Variants in CSK observed in about 807,000 individuals in gnomAD.
CSK encodes the protein C-terminal Src kinase.
A neutral mutation model predicts 62.3 loss-of-function variants in CSK; 7 were observed. The observed-to-expected ratio is 0.11, with a 90% CI of 0.06 to 0.21. The LOEUF is 0.21. Among genes scored for constraint, CSK ranks in the 10% least tolerant of loss-of-function variants. The probability of loss-of-function intolerance (pLI) is 1.00; values close to 1 mark genes in which losing one functional copy is unlikely to be tolerated. For synonymous variants in CSK, 237 were observed against 246.0 expected (o/e 0.96, Z 0.34); for missense variants, 294 against 613.5 (o/e 0.48, Z 5.50).
chr15:74,800,387 G>A, intron 5 of CSK, 25 bp from the exon 6 acceptor site: 3 of 1,608,146 alleles, frequency 1.9e-6, no homozygotes, highest in Non-Finnish European at 2.6e-6. Flanking sequence ...CTGTCTCTGA[G>A]CACCCTGCCC....
rs1330899619 is a variant in CSK, at chr15:74,800,818, C to G, written c.623-5C>G. ...TTGGGAACAAGACCACCTCTCTGCCCCCAGACGTGATGCTGGGCGATTACC... is the reference window on the plus strand; with the variant it reads ...TTGGGAACAAGACCACCTCTCTGCCGCCAGACGTGATGCTGGGCGATTACC... On this transcript the variant is annotated splice_region_variant and splice_polypyrimidine_tract_variant and intron_variant, in intron 7 of 12. Transcript: ENST00000220003. 1 of 1,610,532 alleles carries G rather than the reference C, an allele frequency of 6.2e-7. No homozygotes were observed. Among genetic ancestry groups the G allele is most frequent in the Non-Finnish European group, 8.5e-7 (1 of 1,178,576 alleles).
At chr15:74,787,626 A>AT (rs2063543975) in intron 1 of CSK, among the ~76,000 whole-genome samples, 1 of 152,062 alleles carries the variant, frequency 6.6e-6, no homozygotes, top group Non-Finnish European at 1.5e-5. Context: ...TCAGCTTCTC[A>AT]TCACACACTA....
intron 1 of CSK, chr15:74,788,888 G>C (rs1456314706): frequency 1.3e-5 from 2 of 152,814 alleles, no homozygotes; most frequent in Non-Finnish European, 2.9e-5. Context: ...CTAAGGGGGT[G>C]GGGGAGCAGA....
At chr15:74,797,616 T>C (rs1372519897) in intron 1 of CSK, among the ~76,000 whole-genome samples, 1 of 152,220 alleles carries the variant, frequency 6.6e-6, no homozygotes, top group African/African-American at 2.4e-5. Flanking sequence ...CTGCTGTACG[T>C]AGTCCCTTTT....
chr15:74,791,907 G>A (rs147479378), intron 1 of CSK, among the ~76,000 whole-genome samples: 4 of 152,300 alleles, frequency 2.6e-5, no homozygotes, highest in African/African-American at 9.6e-5. Flanking sequence ...GGGGTTGTCC[G>A]CACGTCTCCC....
At chr15:74,792,187 A>G (rs993027032) in intron 1 of CSK, among the ~76,000 whole-genome samples, 2 of 152,128 alleles carry the variant, frequency 1.3e-5, no homozygotes, top group East Asian at 3.9e-4. Flanking sequence ...CTGTCTCCCC[A>G]TCATCTCCTG....
Position 74,786,213 on chromosome 15 carries a change from G to T in CSK, c.-66+3493G>T, listed in dbSNP as rs1460516544. Among the ~76,000 whole-genome samples the T allele has an allele frequency of 2.6e-5, 4 of 151,816 alleles. No homozygotes were observed. In the East Asian group the frequency reaches 7.7e-4, roughly 29 times the overall value. Reference sequence around the variant, plus strand: ...ATTTTGTATTTTTAGTAGCGATGGGGTTTCTCCGTGTTGGTCAGGCTGGTC... The same window carrying T: ...ATTTTGTATTTTTAGTAGCGATGGGTTTTCTCCGTGTTGGTCAGGCTGGTC... On this transcript the variant is annotated intron_variant, in intron 1 of 12. Transcript: ENST00000220003.
intron 5 of CSK, 32 bp from the exon 6 acceptor site, chr15:74,800,380 T>C (rs748906074): frequency 3.7e-6 from 6 of 1,601,510 alleles, no homozygotes; most frequent in Non-Finnish European, 5.1e-6. Context: ...CCTTGGGCTG[T>C]CTCTGAGCAC....
In CSK at chr15:74,798,946, C is replaced by CCACG. The variant is rs775729597; in HGVS notation, c.242+9_242+12dup. On this transcript the variant is annotated intron_variant, in intron 4 of 12. Coordinates refer to ENST00000220003, the MANE Select transcript of CSK (RefSeq NM_004383.3). The surrounding 1 kb of genome is among the most constrained non-coding windows in gnomAD (Gnocchi z 6.6). ...CAAACTCAGCCTCATGCCGTGAGTA[C>CCACG]CACGAGGAGGGGTTGGGGAGGGAAG... 2.0e-6 allele frequency: 3 copies of CCACG among 1,510,590 alleles called. No homozygotes were observed. The highest frequency in any genetic ancestry group is 2.3e-5 in the East Asian group (1 of 43,762). 93.6% of individuals were successfully genotyped at this position (1,510,590 alleles called of 1,614,324 possible). A position where few individuals can be genotyped will look rare whatever the true frequency, so the allele number is the denominator to read the frequency against.
At chr15:74,794,807 C>T (rs921273454) in intron 1 of CSK, among the ~76,000 whole-genome samples, 1 of 152,080 alleles carries the variant, frequency 6.6e-6, no homozygotes, top group Non-Finnish European at 1.5e-5. Flanking sequence ...TCTCCCTGGC[C>T]GTCTCCTCCC....
Position 74,798,221 on chromosome 15 carries a change from T to C in CSK, c.-65-12T>C. On this transcript the variant is annotated splice_polypyrimidine_tract_variant and intron_variant, in intron 1 of 12. Coordinates refer to ENST00000220003, the MANE Select transcript of CSK (RefSeq NM_004383.3). The surrounding 1 kb of genome is among the most constrained non-coding windows in gnomAD (Gnocchi z 6.6). ...TCACACCCCTCCTCAGTCTTCATGC[T>C]CTTCCCCACAGCTCTAATGGTACCA... The C allele has an allele frequency of 6.7e-7, 1 of 1,491,720 alleles. No individual in the cohort carries two copies. 92.4% of individuals were successfully genotyped at this position (1,491,720 alleles called of 1,614,324 possible). A position where few individuals can be genotyped will look rare whatever the true frequency, so the allele number is the denominator to read the frequency against.
At chr15:74,789,736 CT>C in intron 1 of CSK, among the ~76,000 whole-genome samples, 1 of 152,370 alleles carries the variant, frequency 6.6e-6, no homozygotes, top group South Asian at 2.1e-4. Flanking sequence ...CTCTCAGTCA[CT>C]TTCCCCTAAA....
At chr15:74,800,337 TG>T in intron 5 of CSK, 74 bp from the exon 6 acceptor site, 2 of 1,360,518 alleles carry the variant, frequency 1.5e-6, no homozygotes, top group Non-Finnish European at 2.1e-6. Flanking sequence ...TGCCGCCCTC[TG>T]GTGGTCAGGC....
chr15:74,800,683 G>A lies in CSK; in HGVS notation c.559G>A (p.Gly187Ser). The change falls in exon 7 of 13, where the codon GGC (glycine) becomes AGC (serine). Residue 187 changes from glycine (G) to serine (S), a missense_variant and splice_region_variant. This residue lies in a region of CSK where 202 missense variants were observed against 415.7 expected (regional missense o/e 0.49). Coordinates refer to ENST00000220003, the MANE Select transcript of CSK (RefSeq NM_004383.3). ...VAAQDEFYRS[G>S]WALNMKELKL... The stretch of plus-strand genomic sequence containing the variant: ...CCCTCACTGGCCCCTCCCCACAGGC[G>A]GCTGGGCCCTGAACATGAAGGAGCT... The A allele has an allele frequency of 1.9e-6, 3 of 1,549,476 alleles. No individual in the cohort carries two copies. The highest frequency in any genetic ancestry group is 2.6e-6 in the Non-Finnish European group (3 of 1,145,172).
intron 1 of CSK, among the ~76,000 whole-genome samples, chr15:74,788,946 G>T (rs374485992): frequency 1.3e-5 from 2 of 152,212 alleles, no homozygotes; most frequent in African/African-American, 2.4e-5. Context: ...ATTGCCCAGC[G>T]CACATAGGTA....
intron 9 of CSK, 50 bp downstream of exon 9, chr15:74,801,152 C>T (rs371828294): frequency 6.1e-4 from 977 of 1,601,022 alleles, no homozygotes; most frequent in Non-Finnish European, 7.8e-4. Context: ...TGCCCCGAAA[C>T]CCCCACTGTG....
At chr15:74,799,114 G>A (rs1315706837) in intron 4 of CSK, 158 bp from the exon 5 acceptor site, 2 of 969,234 alleles carry the variant, frequency 2.1e-6, no homozygotes, top group East Asian at 2.6e-5. Flanking sequence ...GAGGCAGGAG[G>A]GTGGCAAAGA....
rs200104962 is a variant in CSK, at chr15:74,798,596, C to T, written c.16-19C>T. 25 of 1,607,926 alleles carry T rather than the reference C, an allele frequency of 1.6e-5. No homozygotes were observed. Among genetic ancestry groups the T allele is most frequent in the South Asian group, 3.3e-5 (3 of 90,874 alleles). On this transcript the variant is annotated intron_variant, in intron 2 of 12. Coordinates refer to ENST00000220003, the MANE Select transcript of CSK (RefSeq NM_004383.3). The surrounding 1 kb of genome is among the most constrained non-coding windows in gnomAD (Gnocchi z 6.6). ...AGGGGGCCCAGGCTGCACCCGCCCA[C>T]GTGTCACCTGCCTTGCAGGCCGCCT... is the stretch of plus-strand genomic sequence containing the variant.
chr15:74,801,442 C>T, intron 9 of CSK, 80 bp from the exon 10 acceptor site: 4 of 1,430,226 alleles, frequency 2.8e-6, no homozygotes, highest in Non-Finnish European at 2.9e-6. Context: ...AGTGTCAACA[C>T]CCACCCGGCC....
Sources: allele counts gnomAD v4.1 joint callset (sites outside exome capture counted in the v4.1 genomes callset), GRCh38; gene constraint gnomAD v4.1.1; regional missense constraint gnomAD v4.1.1; non-coding constraint Gnocchi (gnomAD v3.1); transcripts MANE v1.5; gene names NCBI Gene and HGNC (gene_info 2026-07-23, HGNC 2026-07-21).